The following RP1 variants were observed in gnomAD, a reference collection of about 807,000 sequenced individuals.
RP1 encodes RP1 axonemal microtubule associated, also known as oxygen-regulated protein 1.
Under a neutral mutation model 14.8 loss-of-function variants are expected in RP1, and 16 were observed. The observed-to-expected ratio is 1.08, with a 90% CI of 0.73 to 1.65. The LOEUF is 1.65. Among genes scored for constraint, RP1 ranks in the 40% most tolerant of loss-of-function variants. The probability of loss-of-function intolerance (pLI) is 0.00; values close to 1 mark genes in which losing one functional copy is unlikely to be tolerated. For synonymous variants in RP1, 876 were observed against 883.6 expected, an observed-to-expected ratio of 0.99 and a Z score of 0.15; for missense variants, 2,631 against 2,535.0, an observed-to-expected ratio of 1.04 and a Z score of -0.81.
intron 24 of RP1, among the ~76,000 whole-genome samples, chr8:54,826,495 A>C (rs766037798): frequency 4.6e-5 from 7 of 152,212 alleles, no homozygotes; most frequent in Non-Finnish European, 1.0e-4. Flanking sequence ...AAGTTGTTTC[A>C]GTTTTTAGAG....
intron 17 of RP1, among the ~76,000 whole-genome samples, chr8:54,729,761 A>G (rs1196033189): frequency 6.6e-6 from 1 of 152,064 alleles, no homozygotes; most frequent in Admixed American, 6.6e-5. Context: ...TTTAATAACT[A>G]CAAATAATCC....
At chr8:54,832,403 G>T (rs947963338) in intron 24 of RP1, among the ~76,000 whole-genome samples, 3 of 151,160 alleles carry the variant, frequency 2.0e-5, no homozygotes, top group Non-Finnish European at 4.4e-5. Flanking sequence ...TGTCTAATTG[G>T]TTATTTTATT....
intron 27 of RP1, among the ~76,000 whole-genome samples, chr8:54,860,167 T>A (rs761987058): frequency 6.6e-6 from 1 of 152,096 alleles, no homozygotes; most frequent in Non-Finnish European, 1.5e-5. Context: ...GAAGGAAGAA[T>A]GAAAGGGACA....
intron 1 of RP1, among the ~76,000 whole-genome samples, chr8:54,572,793 C>T (rs148376840): frequency 0.013 from 1,938 of 152,234 alleles, 50 homozygotes; most frequent in African/African-American, 0.044. Flanking sequence ...GGGTACCATT[C>T]TTGGCTCACC....
chr8:54,866,428 T>C (rs370776220), intron 28 of RP1, among the ~76,000 whole-genome samples: 11 of 152,332 alleles, frequency 7.2e-5, no homozygotes, highest in Admixed American at 4.6e-4. Context: ...GTAACTGTAA[T>C]TCCTTGGCCG....
chr8:54,696,750 G>T (rs1807874220), intron 12 of RP1: 1 of 724,768 alleles, frequency 1.4e-6, no homozygotes, highest in Non-Finnish European at 2.5e-6. Context: ...ATGTTTAGTG[G>T]TGTCTTGGTA....
chr8:54,752,147 G>A (rs1019531717), intron 19 of RP1, among the ~76,000 whole-genome samples: 5 of 152,112 alleles, frequency 3.3e-5, no homozygotes, highest in Non-Finnish European at 7.3e-5. Flanking sequence ...ATTTACCATT[G>A]GCTAACTGAA....
intron 1 of RP1, among the ~76,000 whole-genome samples, chr8:54,616,610 C>T (rs552041703): frequency 4.6e-5 from 7 of 152,170 alleles, no homozygotes; most frequent in East Asian, 3.8e-4. Flanking sequence ...CTCAACTCTG[C>T]CCCATAGGCT....
intron 24 of RP1, among the ~76,000 whole-genome samples, chr8:54,833,126 CT>C (rs1398362723): frequency 6.6e-6 from 1 of 151,954 alleles, no homozygotes; most frequent in Non-Finnish European, 1.5e-5. Context: ...GTATCACCTA[CT>C]TTTGTTCCCT....
intron 19 of RP1, among the ~76,000 whole-genome samples, chr8:54,744,407 A>T (rs972933037): frequency 3.3e-5 from 5 of 152,218 alleles, no homozygotes; most frequent in Non-Finnish European, 7.3e-5. Context: ...AGGGAAGGTT[A>T]TGAAATATTT....
chr8:54,665,554 C>G (rs1173863909), intron 7 of RP1, among the ~76,000 whole-genome samples: 1 of 152,154 alleles, frequency 6.6e-6, no homozygotes, highest in African/African-American at 2.4e-5. Context: ...GGCAGAAACT[C>G]AGAGCTGGAG....
intron 1 of RP1, among the ~76,000 whole-genome samples, chr8:54,595,177 T>A (rs1585535636): frequency 6.7e-6 from 1 of 149,236 alleles, no homozygotes; most frequent in East Asian, 2.0e-4. Flanking sequence ...TTGCCCAGGG[T>A]GGAGTGCAGT....
intron 1 of RP1, among the ~76,000 whole-genome samples, chr8:54,600,454 G>C (rs1299146398): frequency 3.3e-5 from 5 of 152,114 alleles, no homozygotes; most frequent in Non-Finnish European, 5.9e-5. Flanking sequence ...GAGTTGGGGA[G>C]GGATTTGGGC....
chr8:54,562,793 G>A (rs889445126), intron 1 of RP1, among the ~76,000 whole-genome samples: 1 of 152,222 alleles, frequency 6.6e-6, no homozygotes, highest in Non-Finnish European at 1.5e-5. Flanking sequence ...GCAGGTGCTA[G>A]ACAGATAGAT....
intron 1 of RP1, among the ~76,000 whole-genome samples, chr8:54,580,642 G>C (rs868522376): frequency 1.4e-5 from 2 of 146,882 alleles, no homozygotes; most frequent in African/African-American, 5.0e-5. Flanking sequence ...TTTTTGAGAC[G>C]GAGTCTTGCT....
At position 54,842,208 on chromosome 8, in the gene RP1, A is replaced by G. The variant is rs567495005; in HGVS notation, c.3835+4539A>G. On this transcript the variant is annotated intron_variant, in intron 25 of 28. Transcript: ENST00000637698. ...AGACCTTTTCATCCACGAGAGAACT[A>G]TAGCTCAGATACACAGCATCTGGCG... is the stretch of plus-strand genomic sequence containing the variant. Among the ~76,000 whole-genome samples, 28 of 152,342 alleles carry G rather than the reference A, an allele frequency of 1.8e-4. No homozygotes were observed. In the South Asian group the frequency reaches 2.5e-3, roughly 14 times the overall value.
At position 54,699,891 on chromosome 8, in the gene RP1, A is replaced by G. The variant is rs557223975; in HGVS notation, c.1821+321A>G. 5.3e-5 allele frequency among the ~76,000 whole-genome samples: 8 copies of G among 152,302 alleles called. No individual in the cohort carries two copies. In the South Asian group the frequency reaches 1.7e-3, roughly 32 times the overall value. On this transcript the variant is annotated intron_variant, in intron 13 of 22. Coordinates refer to the RP1 transcript ENST00000636932. ...AAAAACAATAATTTTTTATAGTTAT[A>G]CCTTGTGTTGCTTAGTTTAGATTTG...
At chr8:54,831,001 T>G (rs1811506969) in intron 24 of RP1, among the ~76,000 whole-genome samples, 1 of 152,142 alleles carries the variant, frequency 6.6e-6, no homozygotes, top group Non-Finnish European at 1.5e-5. Flanking sequence ...TCATGTTTTT[T>G]GAGTTTTATC....
chr8:54,725,519 C>T (rs539758829), intron 16 of RP1, among the ~76,000 whole-genome samples: 1 of 152,288 alleles, frequency 6.6e-6, no homozygotes, highest in Non-Finnish European at 1.5e-5. Context: ...TGATAAGTGT[C>T]GCTAATTTCT....
Sources: gnomAD v4.1 joint callset for allele counts (sites outside exome capture counted in the v4.1 genomes callset) on GRCh38, gnomAD v4.1.1 for gene constraint, MANE v1.5 for transcripts, NCBI Gene and HGNC (gene_info 2026-07-23, HGNC 2026-07-21) for gene names.